Variants in C16orf96 observed in about 807,000 individuals in gnomAD.
C16orf96 encodes the protein uncharacterized protein C16orf96.
Under a neutral mutation model 103.6 loss-of-function variants are expected in C16orf96, and 108 were observed. The observed-to-expected ratio is 1.04, with a 90% CI of 0.89 to 1.22. C16orf96 has a LOEUF of 1.22. Ranked by LOEUF, C16orf96 falls within the 50% of genes most tolerant of loss-of-function variation. The pLI, the probability that C16orf96 is intolerant of heterozygous loss-of-function variation, is 0.00. For synonymous variants in C16orf96, 566 were observed against 593.5 expected (o/e 0.95, Z 0.67); for missense variants, 1,586 against 1,464.2 (o/e 1.08, Z -1.36).
At position 4,556,504 on chromosome 16, in the gene C16orf96, C is replaced by CA; in HGVS notation, c.16dup (p.Thr6AsnfsTer45). 2 of 1,530,206 alleles carry CA rather than the reference C, an allele frequency of 1.3e-6. No homozygotes were observed. The highest frequency in any genetic ancestry group is 1.2e-5 in the South Asian group (1 of 82,452). 94.8% of individuals were successfully genotyped at this position (1,530,206 alleles called of 1,614,324 possible). A position where few individuals can be genotyped will look rare whatever the true frequency, so the allele number is the denominator to read the frequency against. ...ACCCTGGCAGGATGAGCTTCTCACT[C>CA]ACGTTCACCGAGCTGGCCAACATCG... On this transcript the variant is annotated frameshift_variant, in exon 1 of 16. Coordinates refer to ENST00000444310, the MANE Select transcript of C16orf96 (RefSeq NM_001145011.2). LOFTEE classifies it high-confidence loss of function.
chr16:4,579,617 T>A (rs1173400766), intron 6 of C16orf96, among the ~76,000 whole-genome samples: 12 of 147,506 alleles, frequency 8.1e-5, no homozygotes, highest in African/African-American at 3.0e-4. Flanking sequence ...ATACCTTATT[T>A]TTTTTTTTTT....
rs899811438 is a variant in C16orf96, at chr16:4,574,817, C to T, written c.606+28C>T. The T allele has an allele frequency of 1.0e-5, 16 of 1,549,332 alleles. No individual in the cohort carries two copies. The Admixed American group carries it at 2.0e-4, about 19-fold the overall frequency. On this transcript the variant is annotated intron_variant, in intron 3 of 15. Coordinates refer to ENST00000444310, the MANE Select transcript of C16orf96 (RefSeq NM_001145011.2). ...GAGGGCCACCATCCCTGTCTTCCCC[C>T]ACTCCCCCTGGGACCCCCCAACCTC...
Position 4,592,295 on chromosome 16 carries a change from T to C in C16orf96, c.2712-10T>C, listed in dbSNP as rs1217634499. 6.4e-7 allele frequency: 1 copy of C among 1,551,600 alleles called. No individual in the cohort carries two copies. Among genetic ancestry groups the C allele is most frequent in the Admixed American group, 2.0e-5 (1 of 51,006 alleles). ...GCAGGGGCAGCGGCTGATGATCATG[T>C]GCCTTTCAGGAAGCTGTTCAAGCGC... On this transcript the variant is annotated splice_polypyrimidine_tract_variant and intron_variant, in intron 10 of 15. Coordinates refer to ENST00000444310, the MANE Select transcript of C16orf96 (RefSeq NM_001145011.2).
intron 11 of C16orf96, 55 bp downstream of exon 11, chr16:4,592,422 G>T: frequency 6.5e-7 from 1 of 1,541,782 alleles, no homozygotes; most frequent in East Asian, 2.4e-5. Context: ...GGCCCATGGA[G>T]GTCATCTCCG....
Position 4,587,082 on chromosome 16 carries a change from A to G in C16orf96, c.2396A>G (p.Asn799Ser), listed in dbSNP as rs1421029189. ...AAAAGACTGGAAATGAACAAGGTGA[A>G]TAAGAGCACGATGGAGGAGGAGCTG... ...QIKRLEMNKV[N>S]KSTMEEELRE... The change falls in exon 8 of 16, where the codon AAT becomes AGT. Residue 799 changes from asparagine (N) to serine (S), a missense_variant. Coordinates refer to ENST00000444310, the MANE Select transcript of C16orf96 (RefSeq NM_001145011.2). 1 of 1,551,654 alleles carries G rather than the reference A, an allele frequency of 6.4e-7. No homozygotes were observed. Among genetic ancestry groups the G allele is most frequent in the African/African-American group, 1.4e-5 (1 of 73,186 alleles).
At position 4,598,181 on chromosome 16, in the gene C16orf96, G is replaced by A. The variant is rs563479559; in HGVS notation, c.3128-1103G>A. Among the ~76,000 whole-genome samples the A allele has an allele frequency of 2.7e-4, 41 of 151,898 alleles. 1 individual carries two copies. In the South Asian group the frequency reaches 8.3e-3, roughly 31 times the overall value. ...AACCTGGGCAACATCGTGAAACCCC[G>A]CCTTTATAAAAAATACAAAAATTAG... is the stretch of plus-strand genomic sequence containing the variant. On this transcript the variant is annotated intron_variant, in intron 14 of 15. Transcript: ENST00000444310.
At chr16:4,587,233 C>A (rs2141748581) in intron 8 of C16orf96, 120 bp downstream of exon 8, 4 of 990,862 alleles carry the variant, frequency 4.0e-6, no homozygotes, top group Non-Finnish European at 6.1e-6. Flanking sequence ...CATATTGAAA[C>A]CAGGAGTTGG....
intron 1 of C16orf96, among the ~76,000 whole-genome samples, chr16:4,570,149 A>G (rs973369076): frequency 3.3e-5 from 5 of 152,100 alleles, no homozygotes; most frequent in African/African-American, 1.2e-4. Context: ...GGATCTCACT[A>G]TGTTGCCCAG....
chr16:4,549,950 G>A, the C16orf96 span, among the ~76,000 whole-genome samples: 15 of 152,126 alleles, frequency 9.9e-5, no homozygotes, highest in African/African-American at 1.9e-4. Flanking sequence ...CTGCAGAACC[G>A]TGAGCCAAAA....
Position 4,556,420 on chromosome 16 carries a change from A to G in C16orf96, c.-70A>G. 1 of 1,433,776 alleles carries G rather than the reference A, an allele frequency of 7.0e-7. No homozygotes were observed. The highest frequency in any genetic ancestry group is 1.4e-5 in the African/African-American group (1 of 69,840). The allele number at this position is 1,433,776 out of a possible 1,614,324, so 88.8% of individuals were successfully genotyped here. On this transcript the variant is annotated 5_prime_UTR_variant, in exon 1 of 16. Transcript: ENST00000444310. ...GAGGACCAGTCCATGTAGCTCTCGGAACCACTGAAAGCTACCCCTTGTCCT... is the reference window on the plus strand; with the variant it reads ...GAGGACCAGTCCATGTAGCTCTCGGGACCACTGAAAGCTACCCCTTGTCCT...
chr16:4,595,857 C>T (rs945330640), intron 14 of C16orf96, among the ~76,000 whole-genome samples: 1 of 152,052 alleles, frequency 6.6e-6, no homozygotes, highest in East Asian at 1.9e-4. Flanking sequence ...CAGGCACGCA[C>T]CACCACGCCC....
At chr16:4,568,608 T>C (rs1312737689) in intron 1 of C16orf96, among the ~76,000 whole-genome samples, 2 of 147,308 alleles carry the variant, frequency 1.4e-5, no homozygotes, top group Non-Finnish European at 3.0e-5. Flanking sequence ...CTCTTCTTTT[T>C]TTCTTTTTCT....
Position 4,556,454 on chromosome 16 carries a change from C to T in C16orf96, c.-36C>T. On this transcript the variant is annotated 5_prime_UTR_variant, in exon 1 of 16. Transcript: ENST00000444310. ...AAGCTACCCCTTGTCCTTGAGGACACCTGGAACCCCAGCCCCACTGACCCA... is the reference window on the plus strand; with the variant it reads ...AAGCTACCCCTTGTCCTTGAGGACATCTGGAACCCCAGCCCCACTGACCCA... 1.3e-6 allele frequency: 2 copies of T among 1,489,392 alleles called. No homozygotes were observed. Among genetic ancestry groups the T allele is most frequent in the Non-Finnish European group, 1.8e-6 (2 of 1,112,466 alleles). The allele number at this position is 1,489,392 out of a possible 1,614,324, so 92.3% of individuals were successfully genotyped here.
chr16:4,567,753 C>T (rs1193224664), intron 1 of C16orf96, among the ~76,000 whole-genome samples: 2 of 112,616 alleles, frequency 1.8e-5, no homozygotes, highest in Non-Finnish European at 3.3e-5. Context: ...GGATGGAGTG[C>T]AATGGCATGA....
chr16:4,563,561 C>CT (rs941415529), intron 1 of C16orf96, among the ~76,000 whole-genome samples: 18 of 149,112 alleles, frequency 1.2e-4, no homozygotes, highest in East Asian at 4.1e-4. Flanking sequence ...CTCTGTTAAC[C>CT]TTTTTTTTGT....
At chr16:4,592,861 CAAAAAAAAAGGCCATGTT>C (rs902855341) in intron 11 of C16orf96, among the ~76,000 whole-genome samples, 2 of 150,804 alleles carry the variant, frequency 1.3e-5, no homozygotes, top group Non-Finnish European at 3.0e-5. Context: ...GACCTCATAT[CAAAAAAAAAGGCCATGTT>C]GGCAAGGCTG....
At chr16:4,589,715 T>C (rs1897012845) in intron 9 of C16orf96, among the ~76,000 whole-genome samples, 1 of 152,152 alleles carries the variant, frequency 6.6e-6, no homozygotes, top group African/African-American at 2.4e-5. Context: ...GACATCCAAT[T>C]CAGGAATAGT....
At chr16:4,541,601 A>G in the C16orf96 span, among the ~76,000 whole-genome samples, 5 of 152,098 alleles carry the variant, frequency 3.3e-5, no homozygotes, top group Non-Finnish European at 7.4e-5. Context: ...CGCTGCCTAC[A>G]AGTCTCCTTT....
At chr16:4,578,647 A>G (rs2059543253) in intron 5 of C16orf96, among the ~76,000 whole-genome samples, 1 of 151,962 alleles carries the variant, frequency 6.6e-6, no homozygotes, top group South Asian at 2.1e-4. Context: ...AATCCCAGGT[A>G]CTCGGGAGGC....
Sources: gnomAD v4.1 joint callset for allele counts (sites outside exome capture counted in the v4.1 genomes callset) on GRCh38, gnomAD v4.1.1 for gene constraint, MANE v1.5 for transcripts, NCBI Gene and HGNC (gene_info 2026-07-23, HGNC 2026-07-21) for gene names.